BACH2: variants seen among roughly 807,000 people sequenced by gnomAD.
The protein encoded by BACH2 is BACH transcriptional regulator 2, also known as transcription regulator protein BACH2.
Under a neutral mutation model 61.8 loss-of-function variants are expected in BACH2, and 5 were observed. The ratio of observed to expected loss-of-function variants is 0.08; its 90% CI spans 0.04 to 0.17. The LOEUF is 0.17. Among genes scored for constraint, BACH2 ranks in the 10% least tolerant of loss-of-function variants. The pLI is 1.00. For missense variants in BACH2, 824 were observed against 1,091.1 expected (o/e 0.76, Z 3.45); for synonymous variants, 446 against 440.1 (o/e 1.01, Z -0.17).
chr6:90,235,832 C>G (rs976692160), intron 3 of BACH2, among the ~76,000 whole-genome samples: 3 of 152,336 alleles, frequency 2.0e-5, no homozygotes, highest in African/African-American at 7.2e-5. Flanking sequence ...CAGGATGTGG[C>G]CTGAGCAAAT....
chr6:90,149,280 C>T (rs1272240917), intron 4 of BACH2, among the ~76,000 whole-genome samples: 1 of 152,202 alleles, frequency 6.6e-6, no homozygotes, highest in Admixed American at 6.5e-5. Context: ...CTCATGTTTA[C>T]TCATGTAATG....
chr6:90,073,070 T>A (rs1206405866), intron 5 of BACH2, among the ~76,000 whole-genome samples: 1 of 152,228 alleles, frequency 6.6e-6, no homozygotes. Context: ...GGTACTACCA[T>A]CCTCGCTCAC....
intron 5 of BACH2, chr6:90,080,775 T>A (rs1781690727): frequency 1.0e-6 from 1 of 985,344 alleles, no homozygotes; most frequent in Non-Finnish European, 1.2e-6. Context: ...CTGCTCATTA[T>A]CCAGAAACTA....
At chr6:90,014,028 C>T (rs1019123119) in intron 5 of BACH2, among the ~76,000 whole-genome samples, 6 of 152,104 alleles carry the variant, frequency 3.9e-5, no homozygotes, top group African/African-American at 1.4e-4. Flanking sequence ...AAGCAATCCT[C>T]GTACCTTGGT....
At chr6:90,257,458 T>C (rs2127873548) in intron 2 of BACH2, among the ~76,000 whole-genome samples, 1 of 152,350 alleles carries the variant, frequency 6.6e-6, no homozygotes, top group Non-Finnish European at 1.5e-5. Context: ...TTGATTTGCA[T>C]TTCCCTGATA....
At chr6:90,294,706 TG>T (rs1482612521) in intron 1 of BACH2, among the ~76,000 whole-genome samples, 1 of 152,116 alleles carries the variant, frequency 6.6e-6, no homozygotes, top group African/African-American at 2.4e-5. Flanking sequence ...AGAACCAGGG[TG>T]GGGCGATCTC....
intron 2 of BACH2, among the ~76,000 whole-genome samples, chr6:90,262,225 T>C (rs1385902870): frequency 6.6e-6 from 1 of 152,228 alleles, no homozygotes; most frequent in Non-Finnish European, 1.5e-5. Flanking sequence ...ATGTGGCATA[T>C]GTTTCATGCT....
At chr6:90,252,045 A>G (rs2127870692) in intron 3 of BACH2, among the ~76,000 whole-genome samples, 1 of 152,350 alleles carries the variant, frequency 6.6e-6, no homozygotes, top group South Asian at 2.1e-4. Context: ...GCTTTTTAGC[A>G]TCAAACTTTC....
At chr6:90,083,968 A>G (rs560201449) in intron 5 of BACH2, among the ~76,000 whole-genome samples, 1 of 152,288 alleles carries the variant, frequency 6.6e-6, no homozygotes, top group South Asian at 2.1e-4. Context: ...TCAATGATTC[A>G]GCAGGTCAAT....
intron 5 of BACH2, among the ~76,000 whole-genome samples, chr6:90,080,034 G>A (rs2127804593): frequency 6.6e-6 from 1 of 152,014 alleles, no homozygotes; most frequent in Non-Finnish European, 1.5e-5. Flanking sequence ...GATCCGCAAG[G>A]CACGGGCACC....
At chr6:90,164,442 G>C (rs1321209536) in intron 4 of BACH2, among the ~76,000 whole-genome samples, 19 of 151,848 alleles carry the variant, frequency 1.3e-4, no homozygotes, top group Admixed American at 4.6e-4. Context: ...ACCAAAAAAA[G>C]TCCAGGACCA....
intron 4 of BACH2, among the ~76,000 whole-genome samples, chr6:90,098,714 T>C (rs1168272572): frequency 6.6e-6 from 1 of 152,192 alleles, no homozygotes; most frequent in African/African-American, 2.4e-5. Context: ...GTACTTCTCT[T>C]TGTCTACAAG....
At chr6:89,963,705 G>A (rs1405140657) in intron 6 of BACH2, among the ~76,000 whole-genome samples, 1 of 152,124 alleles carries the variant, frequency 6.6e-6, no homozygotes, top group Admixed American at 6.5e-5. Context: ...ACCCAGTTTG[G>A]GGGATATTTT....
At chr6:89,977,898 G>A (rs1434054445) in intron 6 of BACH2, among the ~76,000 whole-genome samples, 1 of 152,180 alleles carries the variant, frequency 6.6e-6, no homozygotes, top group African/African-American at 2.4e-5. Context: ...AAAGGCCTCT[G>A]GGAAAAGTGC....
chr6:90,136,348 G>A (rs1385752650), intron 4 of BACH2, among the ~76,000 whole-genome samples: 1 of 152,224 alleles, frequency 6.6e-6, no homozygotes, highest in Non-Finnish European at 1.5e-5. Flanking sequence ...GAGTCAGAGA[G>A]ATCTGATTTC....
intron 4 of BACH2, among the ~76,000 whole-genome samples, chr6:90,189,972 C>T (rs1254015692): frequency 1.3e-5 from 2 of 151,914 alleles, no homozygotes; most frequent in African/African-American, 2.4e-5. Flanking sequence ...AAGATGGAGT[C>T]TTGCACTGTC....
intron 6 of BACH2, among the ~76,000 whole-genome samples, chr6:89,974,144 G>A (rs1389205060): frequency 6.6e-6 from 1 of 152,126 alleles, no homozygotes; most frequent in Non-Finnish European, 1.5e-5. Context: ...CATCTTTAGT[G>A]AGTCTTACTC....
At chr6:90,240,652 A>G (rs1382076962) in intron 3 of BACH2, among the ~76,000 whole-genome samples, 1 of 152,198 alleles carries the variant, frequency 6.6e-6, no homozygotes, top group Admixed American at 6.5e-5. Flanking sequence ...AGGCAAATGG[A>G]CTTTAAAAAT....
intron 4 of BACH2, among the ~76,000 whole-genome samples, chr6:90,110,524 A>G (rs1186317888): frequency 1.3e-5 from 2 of 152,194 alleles, no homozygotes; most frequent in East Asian, 3.9e-4. Flanking sequence ...ATCACCATCA[A>G]TCTCGTCAGA....
Sources: allele counts gnomAD v4.1 joint callset (sites outside exome capture counted in the v4.1 genomes callset), GRCh38; gene constraint gnomAD v4.1.1; transcripts MANE v1.5; gene names NCBI Gene and HGNC (gene_info 2026-07-23, HGNC 2026-07-21).